Variants in JADE3 observed in about 807,000 individuals in gnomAD.
The protein encoded by JADE3 is protein Jade-3.
A neutral mutation model predicts 50.1 loss-of-function variants in JADE3; 2 were observed. That is an observed-to-expected ratio of 0.04 (90% confidence interval 0.02 to 0.13). JADE3 has a LOEUF of 0.13. JADE3 is among the 10% of genes least tolerant of loss of function. JADE3 has a pLI of 1.00. For synonymous variants in JADE3, 218 were observed against 232.9 expected, an observed-to-expected ratio of 0.94 and a Z score of 0.58; for missense variants, 475 against 634.4, an observed-to-expected ratio of 0.75 and a Z score of 2.70.
At chrX:47,049,420 C>T (rs1556371408) in intron 8 of JADE3, among the ~76,000 whole-genome samples, 1 of 108,736 alleles carries the variant, frequency 9.2e-6, no homozygotes, top group Non-Finnish European at 1.9e-5. Flanking sequence ...ACTGCCTCAG[C>T]CTCCCAAAAT....
chrX:46,923,393 C>CTCTTTTTTTTTTT (rs1556338199), intron 1 of JADE3, among the ~76,000 whole-genome samples: 5 of 11,522 alleles, frequency 4.3e-4, no homozygotes, highest in East Asian at 3.6e-3. Flanking sequence ...CTCTCTCTCT[C>CTCTTTTTTTTTTT]TTTTTTTTTT....
At chrX:46,988,386 A>T (rs1278074764) in intron 3 of JADE3, among the ~76,000 whole-genome samples, 2 of 111,010 alleles carry the variant, frequency 1.8e-5, no homozygotes, top group Non-Finnish European at 3.8e-5. Context: ...CAGGGTCATT[A>T]AAAAAAAGCA....
At chrX:47,018,992 T>C (rs782240721) in intron 4 of JADE3, among the ~76,000 whole-genome samples, 1 of 112,066 alleles carries the variant, frequency 8.9e-6, no homozygotes, top group African/African-American at 3.2e-5. Flanking sequence ...CCTCATAGCC[T>C]AACAACCTCA....
Position 47,027,885 on chromosome X carries a change from T to C in JADE3, c.476-7T>C. Reference sequence around the variant, plus strand: ...TGGGTTGATTGATTGTTTGTATTTCTGTGCAGGTTGTGGGCCAGTTGATGA... The same window carrying C: ...TGGGTTGATTGATTGTTTGTATTTCCGTGCAGGTTGTGGGCCAGTTGATGA... On this transcript the variant is annotated splice_region_variant and splice_polypyrimidine_tract_variant and intron_variant, in intron 5 of 10. Coordinates refer to ENST00000614628, the MANE Select transcript of JADE3 (RefSeq NM_014735.5). 1 of 1,200,658 alleles carries C rather than the reference T, an allele frequency of 8.3e-7. No homozygotes were observed. Among genetic ancestry groups the C allele is most frequent in the Non-Finnish European group, 1.1e-6 (1 of 885,596 alleles).
rs782456106 is a variant in JADE3, at chrX:46,946,634, T to C, written c.-12+33915T>C. 2.7e-5 allele frequency among the ~76,000 whole-genome samples: 3 copies of C among 112,174 alleles called. No homozygotes were observed. The South Asian group carries it at 1.1e-3, about 42-fold the overall frequency. On this transcript the variant is annotated intron_variant, in intron 1 of 10. Coordinates refer to ENST00000614628, the MANE Select transcript of JADE3 (RefSeq NM_014735.5). ...GCAGTTTATTGATATATAGTGAAGA[T>C]TCAACTGTGATTGCATTTTCATATG...
At position 46,985,715 on chromosome X, in the gene JADE3, C is replaced by T; in HGVS notation, c.49C>T (p.Pro17Ser). 3 of 1,177,032 alleles carry T rather than the reference C, an allele frequency of 2.5e-6. No individual in the cohort carries two copies. Among genetic ancestry groups the T allele is most frequent in the Non-Finnish European group, 3.5e-6 (3 of 865,720 alleles). The change falls in exon 3 of 11, where the codon CCT (proline) becomes TCT (serine). Residue 17 changes from proline to serine, a missense_variant and splice_region_variant. Transcript: ENST00000614628. Reference sequence around the variant, plus strand: ...TTTTTTCTAATTATCTTTCACAGGTCCTTCCACTTCCTTTACTTCTGGCTC... The same window carrying T: ...TTTTTTCTAATTATCTTTCACAGGTTCTTCCACTTCCTTTACTTCTGGCTC... The part of the protein sequence containing the change: ...VSSSDSSDES[P>S]STSFTSGSMY...
chrX:47,024,237 A>G (rs1334833726), intron 4 of JADE3, among the ~76,000 whole-genome samples: 1 of 112,206 alleles, frequency 8.9e-6, no homozygotes, highest in African/African-American at 3.2e-5. Flanking sequence ...TAATCCCAAC[A>G]CTTTAGGAGG....
intron 1 of JADE3, among the ~76,000 whole-genome samples, chrX:46,932,306 A>G (rs1163607321): frequency 8.9e-6 from 1 of 112,090 alleles, no homozygotes; most frequent in Non-Finnish European, 1.9e-5. Context: ...TTTTCAAGCA[A>G]CATGTTAACT....
chrX:46,934,302 A>ATT (rs1235983399), intron 1 of JADE3, among the ~76,000 whole-genome samples: 1 of 101,619 alleles, frequency 9.8e-6, no homozygotes. Context: ...CGCCTGGCAA[A>ATT]TTTTTTTTTT....
intron 3 of JADE3, among the ~76,000 whole-genome samples, chrX:46,997,828 T>G (rs927045656): frequency 5.3e-5 from 6 of 112,604 alleles, no homozygotes; most frequent in Admixed American, 9.4e-5. Flanking sequence ...AGTTAAGGAT[T>G]GTTTTATACA....
intron 1 of JADE3, among the ~76,000 whole-genome samples, chrX:46,965,612 A>G: frequency 9.0e-6 from 1 of 111,385 alleles, no homozygotes; most frequent in Non-Finnish European, 1.9e-5. Context: ...CCTTATAAGG[A>G]TAAGGCTCCT....
At chrX:46,990,188 A>G (rs963097886) in intron 3 of JADE3, among the ~76,000 whole-genome samples, 1 of 111,603 alleles carries the variant, frequency 9.0e-6, no homozygotes, top group African/African-American at 3.3e-5. Flanking sequence ...CTCAGTGTTG[A>G]TGCCTGTTGA....
intron 7 of JADE3, among the ~76,000 whole-genome samples, chrX:47,037,109 T>TA (rs71704592): frequency 0.38 from 31,801 of 82,961 alleles, 6,848 homozygotes; most frequent in African/African-American, 0.75. Context: ...TAAAGTATAA[T>TA]AAAAAAAAAA....
chrX:46,994,390 T>G (rs1389224823), intron 3 of JADE3, among the ~76,000 whole-genome samples: 1 of 112,231 alleles, frequency 8.9e-6, no homozygotes. Flanking sequence ...AACAGTTATC[T>G]GGTAAGTACA....
chrX:46,918,572 G>A (rs1279170541), intron 1 of JADE3, among the ~76,000 whole-genome samples: 1 of 112,067 alleles, frequency 8.9e-6, no homozygotes, highest in Non-Finnish European at 1.9e-5. Flanking sequence ...TAAGTACTAG[G>A]CCACAAACAT....
chrX:47,015,977 GTTAT>G (rs1317580481), intron 4 of JADE3, among the ~76,000 whole-genome samples: 1 of 111,049 alleles, frequency 9.0e-6, no homozygotes, highest in Admixed American at 9.6e-5. Context: ...GCCCCACACA[GTTAT>G]TTAGGGACAC....
rs782032391 is a variant in JADE3, at chrX:47,054,387, G to A, written c.1202G>A (p.Arg401Gln). Residue 401 changes from arginine to glutamine, a missense_variant, in exon 9 of 11, where the codon CGG becomes CAG. Physicochemically the swap from Arg to Gln is conservative, Grantham distance 43 (BLOSUM62 1). Coordinates refer to ENST00000614628, the MANE Select transcript of JADE3 (RefSeq NM_014735.5). ...ACCAGCCTGCGGGCACAGAAGCTTCGGGAGCTGGAGGAGGAGTTCTATTCC... is the reference window on the plus strand; with the variant it reads ...ACCAGCCTGCGGGCACAGAAGCTTCAGGAGCTGGAGGAGGAGTTCTATTCC... ...EKTSLRAQKL[R>Q]ELEEEFYSLV... 30 of 1,209,299 alleles carry A rather than the reference G, an allele frequency of 2.5e-5. No individual in the cohort carries two copies. Among genetic ancestry groups the A allele is most frequent in the African/African-American group, 1.4e-4 (8 of 57,145 alleles).
At chrX:47,018,224 C>G (rs1213695924) in intron 4 of JADE3, among the ~76,000 whole-genome samples, 1 of 111,454 alleles carries the variant, frequency 9.0e-6, no homozygotes, top group South Asian at 3.8e-4. Flanking sequence ...CTCCTTCTTC[C>G]CACACCTCCT....
chrX:46,948,708 T>C (rs1200267871), intron 1 of JADE3, among the ~76,000 whole-genome samples: 4 of 111,059 alleles, frequency 3.6e-5, no homozygotes, highest in African/African-American at 1.3e-4. Context: ...GTCATAAGGG[T>C]ACAACGCTAT....
Sources: allele counts gnomAD v4.1 joint callset (sites outside exome capture counted in the v4.1 genomes callset), GRCh38; gene constraint gnomAD v4.1.1; transcripts MANE v1.5; gene names NCBI Gene and HGNC (gene_info 2026-07-23, HGNC 2026-07-21).